Variants in ZNF407 observed in about 807,000 individuals in gnomAD.
ZNF407 encodes zinc finger protein 407.
In ZNF407, 17 loss-of-function variants were observed where a neutral mutation model predicts 131.2. That is an observed-to-expected ratio of 0.13 (90% confidence interval 0.09 to 0.19). The LOEUF is 0.19. ZNF407 is among the 10% of genes least tolerant of loss of function. The probability of loss-of-function intolerance (pLI) is 1.00; values close to 1 mark genes in which losing one functional copy is unlikely to be tolerated. For synonymous variants in ZNF407, 1,156 were observed against 1,062.0 expected (o/e 1.09, Z -1.72); for missense variants, 2,681 against 2,830.6 (o/e 0.95, Z 1.20).
At chr18:74,715,167 T>C (rs1967865078) in intron 3 of ZNF407, among the ~76,000 whole-genome samples, 1 of 152,256 alleles carries the variant, frequency 6.6e-6, no homozygotes, top group Admixed American at 6.5e-5. Flanking sequence ...TACTTCCTAA[T>C]GATTTGGGTA....
intron 8 of ZNF407, among the ~76,000 whole-genome samples, chr18:75,059,814 T>C (rs1259191478): frequency 6.6e-6 from 1 of 152,056 alleles, no homozygotes; most frequent in Non-Finnish European, 1.5e-5. Flanking sequence ...AAGACAACCA[T>C]GAGACAGGCA....
At chr18:74,785,408 G>A (rs1031403388) in intron 4 of ZNF407, among the ~76,000 whole-genome samples, 2 of 152,224 alleles carry the variant, frequency 1.3e-5, no homozygotes, top group Non-Finnish European at 2.9e-5. Context: ...TTTGGGATAT[G>A]GGGTTAGCTG....
intron 1 of ZNF407, among the ~76,000 whole-genome samples, chr18:74,602,608 A>G (rs1982630535): frequency 6.6e-6 from 1 of 152,156 alleles, no homozygotes; most frequent in Non-Finnish European, 1.5e-5. Context: ...TGAGGTATAT[A>G]CTACATTTTA....
intron 8 of ZNF407, among the ~76,000 whole-genome samples, chr18:74,979,753 TATAAA>T (rs932041364): frequency 2.0e-5 from 3 of 152,140 alleles, no homozygotes; most frequent in Non-Finnish European, 2.9e-5. Context: ...GCCAGAGAAG[TATAAA>T]ATAAAATAAA....
At chr18:75,045,864 A>G (rs1250661635) in intron 8 of ZNF407, among the ~76,000 whole-genome samples, 1 of 152,166 alleles carries the variant, frequency 6.6e-6, no homozygotes, top group Non-Finnish European at 1.5e-5. Flanking sequence ...AAGCAGAAGG[A>G]TCAAATATGT....
At chr18:74,915,349 T>TTC (rs1971735065) in intron 7 of ZNF407, among the ~76,000 whole-genome samples, 1 of 142,544 alleles carries the variant, frequency 7.0e-6, no homozygotes, top group African/African-American at 2.7e-5. Context: ...TGTGTGTGTG[T>TTC]GTGCATGTGT....
At chr18:74,727,611 T>C (rs1235416108) in intron 3 of ZNF407, among the ~76,000 whole-genome samples, 1 of 152,212 alleles carries the variant, frequency 6.6e-6, no homozygotes, top group East Asian at 1.9e-4. Context: ...GATTAAACTT[T>C]GCATTTTCGT....
intron 7 of ZNF407, among the ~76,000 whole-genome samples, chr18:74,892,224 C>G (rs1456795573): frequency 1.3e-5 from 2 of 152,150 alleles, no homozygotes; most frequent in African/African-American, 4.8e-5. Context: ...CATCCAGTTT[C>G]TGTCTGCGTT....
At chr18:74,772,391 T>C (rs1359152367) in intron 3 of ZNF407, among the ~76,000 whole-genome samples, 1 of 152,198 alleles carries the variant, frequency 6.6e-6, no homozygotes, top group Non-Finnish European at 1.5e-5. Context: ...GTTGGCTTCT[T>C]TTCATGTATA....
intron 8 of ZNF407, among the ~76,000 whole-genome samples, chr18:74,995,502 T>C (rs146459380): frequency 6.6e-6 from 1 of 152,174 alleles, no homozygotes; most frequent in Non-Finnish European, 1.5e-5. Flanking sequence ...TCACAGAAAA[T>C]AGTATTTTAT....
At chr18:74,827,831 G>C (rs1459996646) in intron 4 of ZNF407, among the ~76,000 whole-genome samples, 1 of 152,184 alleles carries the variant, frequency 6.6e-6, no homozygotes, top group African/African-American at 2.4e-5. Flanking sequence ...CAACCATTAG[G>C]TCACACTAAT....
At position 74,636,579 on chromosome 18, in the gene ZNF407, G is replaced by A. The variant is rs575330078; in HGVS notation, c.4687+873G>A. On this transcript the variant is annotated intron_variant, in intron 2 of 8. Coordinates refer to ENST00000299687, the MANE Select transcript of ZNF407 (RefSeq NM_017757.3). ...TTAAAACTGTAAGGTTTATTTTACTGTACTTTTAAATAATGGCTTATTATT... is the reference window on the plus strand; with the variant it reads ...TTAAAACTGTAAGGTTTATTTTACTATACTTTTAAATAATGGCTTATTATT... 3.9e-5 allele frequency among the ~76,000 whole-genome samples: 6 copies of A among 152,184 alleles called. No homozygotes were observed. The South Asian group carries it at 1.0e-3, about 26-fold the overall frequency.
intron 3 of ZNF407, among the ~76,000 whole-genome samples, chr18:74,713,090 C>G (rs1228374155): frequency 6.6e-6 from 1 of 152,170 alleles, no homozygotes; most frequent in Non-Finnish European, 1.5e-5. Flanking sequence ...TGCATTTCAA[C>G]TTTCTGCTTC....
chr18:74,725,326 G>C (rs781406757), intron 3 of ZNF407, among the ~76,000 whole-genome samples: 2 of 152,122 alleles, frequency 1.3e-5, no homozygotes, highest in Non-Finnish European at 2.9e-5. Flanking sequence ...ACAGTTTCTA[G>C]AGAGATGGGT....
rs913936525 is a variant in ZNF407, at chr18:75,013,144, C to T, written c.5429-50006C>T. On this transcript the variant is annotated intron_variant, in intron 8 of 8. Coordinates refer to ENST00000299687, the MANE Select transcript of ZNF407 (RefSeq NM_017757.3). ...ACAGTCATTTTGCTGTGCTGCAGAT[C>T]GCCTGCGTGGGAGTCAGGATGCATA... is the stretch of plus-strand genomic sequence containing the variant. Among the ~76,000 whole-genome samples, 9 of 152,116 alleles carry T rather than the reference C, an allele frequency of 5.9e-5. No individual in the cohort carries two copies. In the South Asian group the frequency reaches 6.2e-4, roughly 11 times the overall value.
chr18:74,967,949 T>C (rs1446658950), intron 8 of ZNF407, among the ~76,000 whole-genome samples: 1 of 152,204 alleles, frequency 6.6e-6, no homozygotes, highest in Non-Finnish European at 1.5e-5. Context: ...AGGGCTCCAC[T>C]GCTACATTTG....
intron 8 of ZNF407, among the ~76,000 whole-genome samples, chr18:74,997,186 A>G (rs1972789251): frequency 6.6e-6 from 1 of 152,208 alleles, no homozygotes; most frequent in Admixed American, 6.5e-5. Flanking sequence ...TAGCAGTGGG[A>G]GGTAAGCATT....
chr18:74,999,895 TGAAC>T (rs1285000196), intron 8 of ZNF407, among the ~76,000 whole-genome samples: 1 of 152,252 alleles, frequency 6.6e-6, no homozygotes, highest in East Asian at 1.9e-4. Context: ...GGCATGAATC[TGAAC>T]AGCCAGTGGC....
intron 8 of ZNF407, among the ~76,000 whole-genome samples, chr18:75,041,637 C>T (rs1264212265): frequency 6.8e-6 from 1 of 147,980 alleles, no homozygotes; most frequent in Non-Finnish European, 1.5e-5. Context: ...CACACACACA[C>T]ACACACACAC....
Sources: gnomAD v4.1 joint callset for allele counts (sites outside exome capture counted in the v4.1 genomes callset) on GRCh38, gnomAD v4.1.1 for gene constraint, MANE v1.5 for transcripts, NCBI Gene and HGNC (gene_info 2026-07-23, HGNC 2026-07-21) for gene names.